DNM3: variants seen among roughly 807,000 people sequenced by gnomAD.
DNM3 encodes dynamin-3.
DNM3 carries 47 observed loss-of-function variants against 101.6 expected under a neutral mutation model. The ratio of observed to expected loss-of-function variants is 0.46; its 90% CI spans 0.37 to 0.59. The LOEUF is 0.59. Ranked by LOEUF, DNM3 falls within the 20% of genes least tolerant of loss-of-function variation. DNM3 has a pLI of 0.00. For missense variants in DNM3, 849 were observed against 1,085.7 expected (o/e 0.78, Z 3.06); for synonymous variants, 385 against 387.9 (o/e 0.99, Z 0.09).
At chr1:172,275,014 T>C (rs1367834139) in intron 15 of DNM3, among the ~76,000 whole-genome samples, 2 of 152,064 alleles carry the variant, frequency 1.3e-5, no homozygotes, top group African/African-American at 2.4e-5. Flanking sequence ...GCTCTGTTAT[T>C]GGCCATCACA....
At chr1:172,331,165 T>G (rs2148933469) in intron 17 of DNM3, among the ~76,000 whole-genome samples, 1 of 152,274 alleles carries the variant, frequency 6.6e-6, no homozygotes, top group Non-Finnish European at 1.5e-5. Flanking sequence ...GACCAATCGT[T>G]CTTCCTTAAA....
chr1:171,912,638 C>G (rs553557774), intron 1 of DNM3, among the ~76,000 whole-genome samples: 5 of 152,162 alleles, frequency 3.3e-5, no homozygotes. Context: ...TACACATTAA[C>G]GAAATCAGAA....
intron 1 of DNM3, among the ~76,000 whole-genome samples, chr1:171,919,264 G>A (rs377716387): frequency 2.6e-5 from 4 of 152,146 alleles, no homozygotes; most frequent in Middle Eastern, 3.4e-3. Context: ...CCATCAACCC[G>A]TCATCTACAT....
chr1:172,231,679 G>T (rs1388450323), intron 14 of DNM3, among the ~76,000 whole-genome samples: 1 of 152,136 alleles, frequency 6.6e-6, no homozygotes, highest in Non-Finnish European at 1.5e-5. Context: ...CCATGGCAAA[G>T]AAATTAAAAA....
intron 14 of DNM3, among the ~76,000 whole-genome samples, chr1:172,156,415 A>C (rs1217566078): frequency 6.6e-6 from 1 of 152,010 alleles, no homozygotes; most frequent in Non-Finnish European, 1.5e-5. Flanking sequence ...CCTGCAATTT[A>C]TATTTTTGTA....
At position 171,987,874 on chromosome 1, in the gene DNM3, A is replaced by G. The variant is rs1571968921; in HGVS notation, c.385+69A>G. On this transcript the variant is annotated intron_variant, in intron 3 of 20. Coordinates refer to ENST00000627582, the MANE Select transcript of DNM3 (RefSeq NM_015569.5). ...TATACTACATTAATTAACATACATC[A>G]TTTGTACAGAAGATACAAATAGTGC... The G allele has an allele frequency of 8.6e-6, 12 of 1,402,118 alleles. No homozygotes were observed. The East Asian group carries it at 2.2e-4, about 25-fold the overall frequency. 86.9% of individuals were successfully genotyped at this position (1,402,118 alleles called of 1,614,324 possible).
At chr1:172,330,098 G>A (rs1394599990) in intron 17 of DNM3, among the ~76,000 whole-genome samples, 16 of 152,164 alleles carry the variant, frequency 1.1e-4, no homozygotes, top group Non-Finnish European at 1.8e-4. Flanking sequence ...TTGGTTAGGC[G>A]CAAACCTTAT....
At chr1:172,157,578 T>C (rs1441631396) in intron 14 of DNM3, among the ~76,000 whole-genome samples, 1 of 152,072 alleles carries the variant, frequency 6.6e-6, no homozygotes, top group Non-Finnish European at 1.5e-5. Flanking sequence ...CATCTGTGGA[T>C]TCAACCAATT....
intron 14 of DNM3, chr1:172,137,179 T>C (rs1366957234): frequency 6.6e-6 from 1 of 152,152 alleles, no homozygotes; most frequent in Non-Finnish European, 1.5e-5. Flanking sequence ...ATAGGCAGCA[T>C]TTGCAACAGG....
intron 17 of DNM3, among the ~76,000 whole-genome samples, chr1:172,361,525 G>T (rs2067740066): frequency 6.6e-6 from 1 of 151,812 alleles, no homozygotes; most frequent in African/African-American, 2.4e-5. Flanking sequence ...TTACTGCAGG[G>T]TTCTCAAACT....
intron 5 of DNM3, among the ~76,000 whole-genome samples, chr1:172,032,732 G>A (rs72719048): frequency 0.078 from 11,892 of 151,822 alleles, 583 homozygotes; most frequent in Non-Finnish European, 0.11. Flanking sequence ...ACAGGAATAA[G>A]AAAACAGGAA....
intron 2 of DNM3, among the ~76,000 whole-genome samples, chr1:171,933,165 A>C (rs2041161067): frequency 6.6e-6 from 1 of 152,188 alleles, no homozygotes; most frequent in Non-Finnish European, 1.5e-5. Context: ...TGTCAGCTGA[A>C]AACTGGGCTA....
At chr1:172,327,251 C>T (rs1558000803) in intron 17 of DNM3, among the ~76,000 whole-genome samples, 2 of 152,116 alleles carry the variant, frequency 1.3e-5, no homozygotes, top group African/African-American at 4.8e-5. Flanking sequence ...AGCCTTCATT[C>T]GTGGGAAAAG....
At position 172,340,556 on chromosome 1, in the gene DNM3, CT is replaced by C. The variant is rs147607262; in HGVS notation, c.1893+17219del. Among the ~76,000 whole-genome samples, 1,415 of 152,310 alleles carry C rather than the reference CT, an allele frequency of 9.3e-3. 31 individuals are homozygous for C. The highest frequency in any genetic ancestry group is 0.032 in the African/African-American group (1,336 of 41,564). On this transcript the variant is annotated intron_variant, in intron 17 of 20. Transcript: ENST00000627582. ...ACAAACATGGTGCATTCACTATGAA[CT>C]TTACGATCTTCATGACACAAAGTGA...
intron 4 of DNM3, among the ~76,000 whole-genome samples, chr1:172,021,656 G>T (rs12061514): frequency 0.013 from 2,008 of 152,164 alleles, 57 homozygotes; most frequent in African/African-American, 0.046. Flanking sequence ...TTTGAACCCA[G>T]GCAGTCTGAT....
chr1:171,919,598 T>C (rs2039996492), intron 1 of DNM3, among the ~76,000 whole-genome samples: 2 of 152,194 alleles, frequency 1.3e-5, no homozygotes, highest in South Asian at 4.1e-4. Flanking sequence ...AACCTGTTCC[T>C]TTTTGGTTAA....
intron 14 of DNM3, among the ~76,000 whole-genome samples, chr1:172,217,589 G>A (rs633995): frequency 0.45 from 68,721 of 151,798 alleles, 16,406 homozygotes; most frequent in African/African-American, 0.59. Flanking sequence ...ATCATTTGTT[G>A]TTTCTATTCT....
intron 12 of DNM3, among the ~76,000 whole-genome samples, chr1:172,082,329 T>G (rs1243990633): frequency 8.5e-5 from 13 of 152,054 alleles, no homozygotes; most frequent in African/African-American, 2.4e-5. Flanking sequence ...AGGCCTGTTT[T>G]TTTTTTTTTT....
intron 14 of DNM3, among the ~76,000 whole-genome samples, chr1:172,240,235 C>T (rs575715740): frequency 5.3e-5 from 8 of 152,266 alleles, no homozygotes; most frequent in African/African-American, 1.9e-4. Context: ...ATGCAAAGGG[C>T]TTCAGAAACC....
Sources: allele counts gnomAD v4.1 joint callset (sites outside exome capture counted in the v4.1 genomes callset), GRCh38; gene constraint gnomAD v4.1.1; transcripts MANE v1.5; gene names NCBI Gene and HGNC (gene_info 2026-07-23, HGNC 2026-07-21).